The following NLGN1 variants were observed in gnomAD, a reference collection of about 807,000 sequenced individuals.
NLGN1 encodes neuroligin-1.
Under a neutral mutation model 65.5 loss-of-function variants are expected in NLGN1, and 12 were observed. That is an observed-to-expected ratio of 0.18 (90% CI 0.12 to 0.30). The LOEUF (loss-of-function observed/expected upper bound fraction) is 0.30. Ranked by LOEUF, NLGN1 falls within the 10% of genes least tolerant of loss-of-function variation. The pLI is 1.00. For missense variants in NLGN1, 750 were observed against 1,007.1 expected, an observed-to-expected ratio of 0.74 and a Z score of 3.46; for synonymous variants, 350 against 359.5, an observed-to-expected ratio of 0.97 and a Z score of 0.30.
chr3:173,737,712 G>A (rs1176528448), intron 3 of NLGN1, among the ~76,000 whole-genome samples: 3 of 152,034 alleles, frequency 2.0e-5, no homozygotes, highest in Non-Finnish European at 4.4e-5. Context: ...ATGCTCCTAC[G>A]AACATTCATG....
intron 4 of NLGN1, among the ~76,000 whole-genome samples, chr3:174,000,881 G>C (rs2152426602): frequency 6.6e-6 from 1 of 152,262 alleles, no homozygotes; most frequent in Admixed American, 6.5e-5. Flanking sequence ...AAATTCTGCT[G>C]AGTGGGCAGA....
intron 4 of NLGN1, among the ~76,000 whole-genome samples, chr3:173,836,627 A>G (rs1463040041): frequency 3.3e-5 from 5 of 152,156 alleles, no homozygotes; most frequent in Non-Finnish European, 7.4e-5. Context: ...TGATGTTGTT[A>G]GTTTCACACT....
downstream of NLGN1, among the ~76,000 whole-genome samples, chr3:174,287,381 T>A (rs1342870887): frequency 6.6e-6 from 1 of 151,322 alleles, no homozygotes; most frequent in South Asian, 2.1e-4. Context: ...GCTTTACAAG[T>A]CTCTGTGGTC....
At chr3:174,192,889 A>G (rs527884827) in intron 4 of NLGN1, among the ~76,000 whole-genome samples, 1 of 152,038 alleles carries the variant, frequency 6.6e-6, no homozygotes, top group East Asian at 1.9e-4. Flanking sequence ...ATTTCCATAT[A>G]TCTGGGCCTT....
chr3:174,246,193 T>G (rs539316906), intron 4 of NLGN1, among the ~76,000 whole-genome samples: 2 of 152,316 alleles, frequency 1.3e-5, no homozygotes, highest in African/African-American at 2.4e-5. Flanking sequence ...TAAAAGAAAT[T>G]TAGAAATGGC....
intron 2 of NLGN1, among the ~76,000 whole-genome samples, chr3:173,552,246 C>G (rs1740991035): frequency 2.0e-5 from 3 of 152,092 alleles, no homozygotes; most frequent in Admixed American, 2.0e-4. Context: ...AGAAAGTCAG[C>G]CTATGGAAAT....
Position 173,854,586 on chromosome 3 carries a change from G to A in NLGN1, c.646+46754G>A, listed in dbSNP as rs114375031. Reference sequence around the variant, plus strand: ...TTTTTTAAAAAAAATCAATGTTTGCGTTGATTTTTGTATGGTTACAATAGC... The same window carrying A: ...TTTTTTAAAAAAAATCAATGTTTGCATTGATTTTTGTATGGTTACAATAGC... On this transcript the variant is annotated intron_variant, in intron 4 of 6. Coordinates refer to ENST00000457714, the Ensembl canonical transcript of NLGN1. 3.9e-5 allele frequency among the ~76,000 whole-genome samples: 6 copies of A among 152,058 alleles called. No individual in the cohort carries two copies. In the East Asian group the frequency reaches 7.7e-4, roughly 20 times the overall value.
chr3:174,100,157 T>C (rs1712074799), intron 4 of NLGN1, among the ~76,000 whole-genome samples: 1 of 152,098 alleles, frequency 6.6e-6, no homozygotes, highest in Non-Finnish European at 1.5e-5. Flanking sequence ...AAACGAAAAC[T>C]CAAAATGTAA....
At position 173,708,375 on chromosome 3, in the gene NLGN1, G is replaced by T. The variant is rs140951956; in HGVS notation, c.494-99305G>T. Among the ~76,000 whole-genome samples, 10 of 152,162 alleles carry T rather than the reference G, an allele frequency of 6.6e-5. No homozygotes were observed. The East Asian group carries it at 1.9e-3, about 29-fold the overall frequency. On this transcript the variant is annotated intron_variant, in intron 3 of 6. Coordinates refer to ENST00000457714, the Ensembl canonical transcript of NLGN1. ...CATCCCCAGCTCAGTGCTGCACCAC[G>T]GGGAATCCTGTGCTCCACCTCTAGG...
At chr3:174,117,338 C>T (rs981057166) in intron 4 of NLGN1, among the ~76,000 whole-genome samples, 7 of 151,778 alleles carry the variant, frequency 4.6e-5, no homozygotes, top group Non-Finnish European at 7.4e-5. Context: ...TGGGATAGGC[C>T]GGGCGCGGTA....
chr3:173,624,500 T>C (rs2149516074), intron 3 of NLGN1, among the ~76,000 whole-genome samples: 1 of 152,252 alleles, frequency 6.6e-6, no homozygotes, highest in South Asian at 2.1e-4. Flanking sequence ...ATATGCCTGC[T>C]CCCACCTCCT....
chr3:174,265,139 C>T (rs1386230384), intron 4 of NLGN1, among the ~76,000 whole-genome samples: 1 of 151,700 alleles, frequency 6.6e-6, no homozygotes, highest in Non-Finnish European at 1.5e-5. Context: ...TTTTGTTTGT[C>T]TGTGCCCTGC....
chr3:173,892,524 C>T (rs1735542707), intron 4 of NLGN1, among the ~76,000 whole-genome samples: 2 of 148,004 alleles, frequency 1.4e-5, no homozygotes, highest in Admixed American at 1.4e-4. Context: ...TCACTTCTTG[C>T]AGGCTAATAT....
intron 2 of NLGN1, among the ~76,000 whole-genome samples, chr3:173,489,358 G>C (rs1234567807): frequency 1.3e-5 from 2 of 151,988 alleles, no homozygotes; most frequent in Admixed American, 6.6e-5. Context: ...CCTTGTGATA[G>C]TTTGCTGAGA....
chr3:174,231,870 C>G (rs1470013461), intron 4 of NLGN1, among the ~76,000 whole-genome samples: 1 of 152,278 alleles, frequency 6.6e-6, no homozygotes, highest in African/African-American at 2.4e-5. Flanking sequence ...ATTATTTTGC[C>G]TTTCTAAGTC....
chr3:173,542,549 A>G (rs368615210), intron 2 of NLGN1, among the ~76,000 whole-genome samples: 1 of 152,078 alleles, frequency 6.6e-6, no homozygotes, highest in East Asian at 1.9e-4. Flanking sequence ...ACAGGCAAGA[A>G]GCTAACCCTT....
At chr3:174,005,826 T>A (rs1724251792) in intron 4 of NLGN1, among the ~76,000 whole-genome samples, 1 of 152,162 alleles carries the variant, frequency 6.6e-6, no homozygotes, top group South Asian at 2.1e-4. Flanking sequence ...AGATAAAATA[T>A]GTCGTCTATC....
intron 3 of NLGN1, among the ~76,000 whole-genome samples, chr3:173,762,850 T>C (rs1422186261): frequency 1.3e-5 from 2 of 151,720 alleles, no homozygotes; most frequent in Non-Finnish European, 2.9e-5. Context: ...GGAGAAAGGG[T>C]TAAACTCATT....
chr3:173,862,755 T>G (rs2150814930), intron 4 of NLGN1, among the ~76,000 whole-genome samples: 1 of 152,210 alleles, frequency 6.6e-6, no homozygotes, highest in Admixed American at 6.5e-5. Flanking sequence ...ATAATAAAAT[T>G]TTATTAGTAA....
Sources: allele counts gnomAD v4.1 joint callset (sites outside exome capture counted in the v4.1 genomes callset), GRCh38; gene constraint gnomAD v4.1.1; transcripts MANE v1.5; gene names NCBI Gene and HGNC (gene_info 2026-07-23, HGNC 2026-07-21).